The following RBFOX1 variants were observed in gnomAD, a reference collection of about 807,000 sequenced individuals.
The protein encoded by RBFOX1 is RNA binding fox-1 homolog 1.
Under a neutral mutation model 57.7 loss-of-function variants are expected in RBFOX1, and 8 were observed. The observed-to-expected ratio is 0.14, with a 90% CI of 0.08 to 0.25. RBFOX1 has a LOEUF of 0.25. Among genes scored for constraint, RBFOX1 ranks in the 10% least tolerant of loss-of-function variants. The pLI, the probability that RBFOX1 is intolerant of heterozygous loss-of-function variation, is 1.00. For synonymous variants in RBFOX1, 326 were observed against 222.4 expected, an observed-to-expected ratio of 1.47 and a Z score of -4.15; for missense variants, 611 against 548.5, an observed-to-expected ratio of 1.11 and a Z score of -1.14.
intron 4 of RBFOX1, among the ~76,000 whole-genome samples, chr16:7,494,781 C>G (rs1028103867): frequency 2.0e-5 from 3 of 148,624 alleles, no homozygotes; most frequent in African/African-American, 7.5e-5. Context: ...GCAGAAGTTT[C>G]TCCTTCCCAA....
At chr16:6,121,059 A>G (rs1404217425) in intron 1 of RBFOX1, among the ~76,000 whole-genome samples, 1 of 152,168 alleles carries the variant, frequency 6.6e-6, no homozygotes, top group Non-Finnish European at 1.5e-5. Flanking sequence ...TGTGTGTCCT[A>G]ATATTACAAT....
intron 4 of RBFOX1, among the ~76,000 whole-genome samples, chr16:5,993,001 G>A (rs1371165487): frequency 6.6e-6 from 1 of 152,168 alleles, no homozygotes; most frequent in Non-Finnish European, 1.5e-5. Flanking sequence ...TCAGTAGTAG[G>A]ACATGGCAGC....
chr16:6,514,066 C>T (rs1257454389), intron 2 of RBFOX1, among the ~76,000 whole-genome samples: 1 of 152,198 alleles, frequency 6.6e-6, no homozygotes, highest in East Asian at 1.9e-4. Flanking sequence ...CTCTGTAAGT[C>T]CGTAGCCATT....
At chr16:5,422,438 G>A in intron 1 of RBFOX1, among the ~76,000 whole-genome samples, 1 of 136,862 alleles carries the variant, frequency 7.3e-6, no homozygotes, top group Non-Finnish European at 1.6e-5. Context: ...GAGGGAGTAT[G>A]ATGGAGAGGG....
intron 4 of RBFOX1, among the ~76,000 whole-genome samples, chr16:5,944,173 A>G (rs1254975537): frequency 1.3e-5 from 2 of 152,218 alleles, no homozygotes; most frequent in Non-Finnish European, 2.9e-5. Context: ...TGATCTAATG[A>G]CCTCAACGAT....
intron 3 of RBFOX1, among the ~76,000 whole-genome samples, chr16:5,727,498 A>G (rs1355289835): frequency 6.6e-6 from 1 of 152,216 alleles, no homozygotes; most frequent in African/African-American, 2.4e-5. Flanking sequence ...ATGTGTGTGT[A>G]TATCTACTCT....
In RBFOX1 at chr16:7,540,896, C is replaced by A. The variant is rs140707730; in HGVS notation, c.270+22507C>A. On this transcript the variant is annotated intron_variant, in intron 5 of 15. Coordinates refer to ENST00000550418, the MANE Select transcript of RBFOX1 (RefSeq NM_018723.4). The stretch of plus-strand genomic sequence containing the variant: ...CTCCTCATGTGGCCAAGGCTGGATT[C>A]ATCCCAACACCATTTACCACTAAAA... Among the ~76,000 whole-genome samples, 1,032 of 152,302 alleles carry A rather than the reference C, an allele frequency of 6.8e-3. 10 individuals are homozygous for A. Among genetic ancestry groups the A allele is most frequent in the African/African-American group, 0.023 (971 of 41,566 alleles).
intron 3 of RBFOX1, among the ~76,000 whole-genome samples, chr16:6,927,859 C>T (rs905283869): frequency 6.6e-6 from 1 of 152,210 alleles, no homozygotes. Context: ...CACAACACAT[C>T]ATTTCAAGTG....
chr16:7,000,433 A>C (rs1369999580), intron 3 of RBFOX1, among the ~76,000 whole-genome samples: 1 of 152,080 alleles, frequency 6.6e-6, no homozygotes, highest in Non-Finnish European at 1.5e-5. Context: ...ATTTTTATGC[A>C]ACAGTCTCTA....
intron 1 of RBFOX1, among the ~76,000 whole-genome samples, chr16:5,336,208 C>G (rs1361198468): frequency 6.6e-6 from 1 of 152,118 alleles, no homozygotes; most frequent in Admixed American, 6.6e-5. Context: ...AGGTCTGCTG[C>G]TCTCTGTCAA....
intron 4 of RBFOX1, among the ~76,000 whole-genome samples, chr16:5,877,660 C>G (rs1297214018): frequency 6.6e-6 from 1 of 152,226 alleles, no homozygotes; most frequent in Non-Finnish European, 1.5e-5. Flanking sequence ...AGGGACTGCT[C>G]CTTCCTGAGC....
intron 4 of RBFOX1, among the ~76,000 whole-genome samples, chr16:7,512,782 G>A (rs1174618081): frequency 6.6e-6 from 1 of 152,226 alleles, no homozygotes; most frequent in African/African-American, 2.4e-5. Flanking sequence ...TCAGGCTTGA[G>A]GTAGTGCAGA....
intron 4 of RBFOX1, among the ~76,000 whole-genome samples, chr16:5,899,649 C>A (rs1002594906): frequency 1.3e-5 from 2 of 152,146 alleles, no homozygotes; most frequent in Admixed American, 6.5e-5. Flanking sequence ...AAACCCCTCC[C>A]TGGTGGGTGG....
At chr16:5,989,492 G>T (rs1363860080) in intron 4 of RBFOX1, among the ~76,000 whole-genome samples, 1 of 152,160 alleles carries the variant, frequency 6.6e-6, no homozygotes, top group South Asian at 2.1e-4. Flanking sequence ...TTAATGTTGT[G>T]TTCAAAGTTA....
chr16:7,226,651 A>G (rs998850068), intron 4 of RBFOX1, among the ~76,000 whole-genome samples: 2 of 152,362 alleles, frequency 1.3e-5, no homozygotes, highest in Non-Finnish European at 1.5e-5. Context: ...AAACAACTCC[A>G]TAAGATGAGT....
rs991778795 is a variant in RBFOX1 at position 7,155,098 on chromosome 16, C to T, written c.27+103000C>T. On this transcript the variant is annotated intron_variant, in intron 4 of 15. Coordinates refer to ENST00000550418, the MANE Select transcript of RBFOX1 (RefSeq NM_018723.4). Reference sequence around the variant, plus strand: ...CTTCAAGGTATCAATGCAAACTCTCCAAAGCCTCTTGTTTCAGAAAGATAA... The same window carrying T: ...CTTCAAGGTATCAATGCAAACTCTCTAAAGCCTCTTGTTTCAGAAAGATAA... Among the ~76,000 whole-genome samples the T allele has an allele frequency of 1.3e-4, 20 of 152,112 alleles. 1 individual carries two copies. The highest frequency in any genetic ancestry group is 1.3e-4 in the Admixed American group (2 of 15,256).
At chr16:5,880,603 T>C (rs182558053) in intron 4 of RBFOX1, among the ~76,000 whole-genome samples, 2 of 152,274 alleles carry the variant, frequency 1.3e-5, no homozygotes. Context: ...CTGCTAGAGG[T>C]CACCTTGGTA....
chr16:5,844,111 C>T (rs985488251), intron 3 of RBFOX1, among the ~76,000 whole-genome samples: 21 of 152,298 alleles, frequency 1.4e-4, no homozygotes, highest in African/African-American at 4.8e-4. Flanking sequence ...AAAGGGATGG[C>T]TCCTTCTGAG....
At chr16:5,812,848 G>T (rs1280247063) in intron 3 of RBFOX1, among the ~76,000 whole-genome samples, 1 of 152,102 alleles carries the variant, frequency 6.6e-6, no homozygotes, top group Non-Finnish European at 1.5e-5. Flanking sequence ...CGTGACTAAT[G>T]ATGTTGAGTA....
Sources: gnomAD v4.1 joint callset for allele counts (sites outside exome capture counted in the v4.1 genomes callset) on GRCh38, gnomAD v4.1.1 for gene constraint, MANE v1.5 for transcripts, NCBI Gene and HGNC (gene_info 2026-07-23, HGNC 2026-07-21) for gene names.